GAPVD1: variants seen among roughly 807,000 people sequenced by gnomAD.
The protein encoded by GAPVD1 is GTPase activating protein and VPS9 domains 1.
GAPVD1 carries 35 observed loss-of-function variants against 155.5 expected under a neutral mutation model. The ratio of observed to expected loss-of-function variants is 0.23; its 90% CI spans 0.17 to 0.30. The LOEUF (loss-of-function observed/expected upper bound fraction) is 0.30. Ranked by LOEUF, GAPVD1 falls within the 10% of genes least tolerant of loss-of-function variation. The probability of loss-of-function intolerance (pLI) is 1.00; values close to 1 mark genes in which losing one functional copy is unlikely to be tolerated. For missense variants in GAPVD1, 1,429 were observed against 1,775.7 expected, an observed-to-expected ratio of 0.80 and a Z score of 3.51; for synonymous variants, 636 against 619.7, an observed-to-expected ratio of 1.03 and a Z score of -0.39.
At chr9:125,315,260 C>CCACA (rs897591281) in intron 9 of GAPVD1, among the ~76,000 whole-genome samples, 2 of 151,810 alleles carry the variant, frequency 1.3e-5, no homozygotes, top group African/African-American at 4.8e-5. Context: ...ACTCCATCCT[C>CCACA]CACACACACA....
chr9:125,358,816 G>A (rs1256817105), intron 25 of GAPVD1, among the ~76,000 whole-genome samples: 20 of 152,174 alleles, frequency 1.3e-4, no homozygotes, highest in Admixed American at 1.3e-3. Context: ...CAGCAACTTT[G>A]AAGGAGATTA....
At position 125,280,987 on chromosome 9, in the gene GAPVD1, G is replaced by A. The variant is rs149873802; in HGVS notation, c.-150+12003G>A. 6.7e-3 allele frequency among the ~76,000 whole-genome samples: 1,013 copies of A among 152,166 alleles called. 10 individuals are homozygous for A. The highest frequency in any genetic ancestry group is 0.023 in the African/African-American group (959 of 41,508). The stretch of plus-strand genomic sequence containing the variant: ...CTGGAAAATATATTTCCTTTGCTTC[G>A]ATTGATCAGAAATTAGTGCAAATGT... On this transcript the variant is annotated intron_variant, in intron 2 of 27. Coordinates refer to ENST00000297933, the MANE Select transcript of GAPVD1 (RefSeq NM_001282680.3).
At chr9:125,277,548 TA>T (rs574319577) in intron 2 of GAPVD1, among the ~76,000 whole-genome samples, 3 of 152,160 alleles carry the variant, frequency 2.0e-5, no homozygotes, top group Non-Finnish European at 4.4e-5. Flanking sequence ...ATCCCTAAGG[TA>T]ATATGCCCTC....
intron 1 of GAPVD1, among the ~76,000 whole-genome samples, chr9:125,265,047 T>C (rs1360176357): frequency 6.6e-6 from 1 of 152,146 alleles, no homozygotes; most frequent in African/African-American, 2.4e-5. Flanking sequence ...GACAAAAAAT[T>C]ATTTCCCAGC....
rs1850000659 is a variant in GAPVD1 at position 125,355,877 on chromosome 9, G to C, written c.3971+20G>C. On this transcript the variant is annotated intron_variant, in intron 25 of 27. Transcript: ENST00000297933. ...CGACCAGTAAGTACTTCTATGTTGA[G>C]TGCCTATGTGGAACTACATAGGGAT... is the stretch of plus-strand genomic sequence containing the variant. 1.5e-6 allele frequency: 2 copies of C among 1,346,272 alleles called. No homozygotes were observed. The highest frequency in any genetic ancestry group is 2.1e-6 in the Non-Finnish European group (2 of 935,322). The allele number at this position is 1,346,272 out of a possible 1,614,324, so 83.4% of individuals were successfully genotyped here. A position where few individuals can be genotyped will look rare whatever the true frequency, so the allele number is the denominator to read the frequency against.
chr9:125,270,410 C>G (rs1429385570), intron 2 of GAPVD1, among the ~76,000 whole-genome samples: 1 of 151,982 alleles, frequency 6.6e-6, no homozygotes, highest in Non-Finnish European at 1.5e-5. Flanking sequence ...GCCTGGGTGA[C>G]AGAGCTAGAG....
chr9:125,341,318 G>T (rs1847823545), intron 18 of GAPVD1, 54 bp downstream of exon 18: 3 of 900,290 alleles, frequency 3.3e-6, no homozygotes, highest in Non-Finnish European at 5.3e-6. Context: ...CAAAGCCCCA[G>T]AATCTCTTTC....
In GAPVD1 at chr9:125,345,037, C is replaced by A. The variant is rs550146265; in HGVS notation, c.3047-1782C>A. 7.2e-5 allele frequency among the ~76,000 whole-genome samples: 11 copies of A among 152,274 alleles called. No individual in the cohort carries two copies. In the South Asian group the frequency reaches 2.3e-3, roughly 32 times the overall value. The stretch of plus-strand genomic sequence containing the variant: ...AATTGGTTCCAGGACTCTTGCCCCC[C>A]CACTTCATACCCTAATCCGTGCATA... On this transcript the variant is annotated intron_variant, in intron 19 of 27. Transcript: ENST00000297933.
chr9:125,279,851 C>G (rs1327743911), intron 2 of GAPVD1, among the ~76,000 whole-genome samples: 3 of 150,414 alleles, frequency 2.0e-5, no homozygotes, highest in African/African-American at 7.3e-5. Flanking sequence ...ACCTATGCTT[C>G]CTGAGTTCAA....
rs1844785763 is a variant in GAPVD1, at chr9:125,324,072, C to T, written c.1858+149C>T. ...TTTATTCATCATTCCTTCAGTTCTT[C>T]AAAATCTATTTAGTTGGTAAGTGGA... On this transcript the variant is annotated intron_variant, in intron 11 of 27. Transcript: ENST00000297933. The T allele has an allele frequency of 9.4e-6, 6 of 639,438 alleles. No homozygotes were observed. The South Asian group carries it at 1.2e-4, about 13-fold the overall frequency. The allele number at this position is 639,438 out of a possible 1,614,324, so 39.6% of individuals were successfully genotyped here. A position where few individuals can be genotyped will look rare whatever the true frequency, so the allele number is the denominator to read the frequency against.
intron 20 of GAPVD1, 31 bp from the exon 21 acceptor site, chr9:125,349,359 T>C: frequency 1.3e-6 from 2 of 1,598,996 alleles, no homozygotes; most frequent in African/African-American, 2.7e-5. Flanking sequence ...TGAACCTGGG[T>C]ATCCGTTTCT....
At chr9:125,341,325 T>G in intron 18 of GAPVD1, 61 bp downstream of exon 18, 7 of 827,332 alleles carry the variant, frequency 8.5e-6, no homozygotes, top group Non-Finnish European at 1.4e-5. Flanking sequence ...CCAGAATCTC[T>G]TTCAGAGAGC....
At chr9:125,347,919 A>G (rs1362995130) in intron 20 of GAPVD1, among the ~76,000 whole-genome samples, 1 of 152,204 alleles carries the variant, frequency 6.6e-6, no homozygotes, top group East Asian at 1.9e-4. Context: ...ATAGTTTCCA[A>G]ATAGCAGAAG....
chr9:125,323,752 C>T, intron 10 of GAPVD1, 46 bp from the exon 11 acceptor site: 3 of 1,604,820 alleles, frequency 1.9e-6, no homozygotes, highest in Non-Finnish European at 2.6e-6. Flanking sequence ...TGTGGTGGCT[C>T]ATGACTGTTT....
chr9:125,322,594 C>T (rs1185759161), intron 10 of GAPVD1, among the ~76,000 whole-genome samples: 4 of 152,004 alleles, frequency 2.6e-5, no homozygotes, highest in African/African-American at 7.3e-5. Flanking sequence ...TGTTTTGTAA[C>T]CTTTTGTAAT....
intron 9 of GAPVD1, among the ~76,000 whole-genome samples, chr9:125,314,799 T>C (rs1843155899): frequency 6.6e-6 from 1 of 150,678 alleles, no homozygotes; most frequent in East Asian, 1.9e-4. Context: ...CTTTTTTTTT[T>C]TTTTTTGAGA....
intron 2 of GAPVD1, among the ~76,000 whole-genome samples, chr9:125,286,811 C>T (rs1451336136): frequency 6.6e-5 from 10 of 152,038 alleles, no homozygotes; most frequent in Non-Finnish European, 1.0e-4. Flanking sequence ...TCACCGGGCT[C>T]GGTGGCTCAC....
Position 125,359,635 on chromosome 9 carries a change from C to A in GAPVD1, c.4044+143C>A. Reference sequence around the variant, plus strand: ...CACTCTATGTAATTCAGTCTAACTGCGAAGTTCCTGAAGATGCTTTCAGGG... The same window carrying A: ...CACTCTATGTAATTCAGTCTAACTGAGAAGTTCCTGAAGATGCTTTCAGGG... On this transcript the variant is annotated intron_variant, in intron 26 of 27. Transcript: ENST00000297933. The A allele has an allele frequency of 5.2e-6, 3 of 572,942 alleles. No individual in the cohort carries two copies. The South Asian group carries it at 7.0e-5, about 13-fold the overall frequency. The allele number at this position is 572,942 out of a possible 1,614,324, so 35.5% of individuals were successfully genotyped here. A position where few individuals can be genotyped will look rare whatever the true frequency, so the allele number is the denominator to read the frequency against.
intron 2 of GAPVD1, among the ~76,000 whole-genome samples, chr9:125,276,136 A>G (rs996858119): frequency 6.6e-6 from 1 of 152,216 alleles, no homozygotes; most frequent in Admixed American, 6.5e-5. Context: ...TGTGAATACT[A>G]TCTGACATTA....
Sources: gnomAD v4.1 joint callset for allele counts (sites outside exome capture counted in the v4.1 genomes callset) on GRCh38, gnomAD v4.1.1 for gene constraint, MANE v1.5 for transcripts, NCBI Gene and HGNC (gene_info 2026-07-23, HGNC 2026-07-21) for gene names.